NRXN1: variants seen among roughly 807,000 people sequenced by gnomAD.
NRXN1 encodes neurexin 1.
NRXN1 carries 39 observed loss-of-function variants against 150.9 expected under a neutral mutation model. The ratio of observed to expected loss-of-function variants is 0.26; its 90% CI spans 0.20 to 0.34. NRXN1 has a LOEUF of 0.34. NRXN1 is among the 10% of genes least tolerant of loss of function. NRXN1 has a pLI of 1.00. For missense variants in NRXN1, 1,815 were observed against 1,949.9 expected (o/e 0.93, Z 1.30); for synonymous variants, 924 against 757.0 (o/e 1.22, Z -3.62).
At chr2:50,771,535 GT>G (rs1703009375) in intron 5 of NRXN1, among the ~76,000 whole-genome samples, 1 of 152,054 alleles carries the variant, frequency 6.6e-6, no homozygotes, top group African/African-American at 2.4e-5. Context: ...AGAATAAATA[GT>G]AGAGGAGGAC....
rs565229704 is a variant in NRXN1, at chr2:50,310,063, T to G, written c.3365-73093A>C. On this transcript the variant is annotated intron_variant, in intron 17 of 22. Transcript: ENST00000401669. Reference sequence around the variant, plus strand: ...ATAGACAGCAAATTCTAAAACGACATGCCTCTGGCTTCATCCTGGAGTCTC... The same window carrying G: ...ATAGACAGCAAATTCTAAAACGACAGGCCTCTGGCTTCATCCTGGAGTCTC... Among the ~76,000 whole-genome samples the G allele has an allele frequency of 2.0e-4, 30 of 152,306 alleles. No homozygotes were observed. In the South Asian group the frequency reaches 5.8e-3, roughly 29 times the overall value.
intron 18 of NRXN1, among the ~76,000 whole-genome samples, chr2:50,127,488 T>C (rs1247667198): frequency 1.3e-5 from 2 of 152,066 alleles, no homozygotes; most frequent in African/African-American, 2.4e-5. Context: ...GCTGTTAGAG[T>C]TCCTTAGAGT....
intron 8 of NRXN1, among the ~76,000 whole-genome samples, chr2:50,591,320 G>A (rs1444989921): frequency 1.3e-5 from 2 of 151,922 alleles, no homozygotes. Flanking sequence ...TAAAGACTCT[G>A]AAGCTGACTG....
intron 5 of NRXN1, among the ~76,000 whole-genome samples, chr2:50,647,007 A>G (rs575634306): frequency 2.6e-5 from 4 of 150,952 alleles, no homozygotes; most frequent in South Asian, 2.1e-4. Flanking sequence ...CAAGCATTAT[A>G]TTGTTTGAGA....
intron 17 of NRXN1, among the ~76,000 whole-genome samples, chr2:50,244,448 G>T (rs188476673): frequency 6.6e-6 from 1 of 151,850 alleles, no homozygotes; most frequent in Non-Finnish European, 1.5e-5. Flanking sequence ...GATAGAGATT[G>T]TGCTGATTTG....
At chr2:49,937,788 A>G (rs1025292756) in intron 22 of NRXN1, among the ~76,000 whole-genome samples, 1 of 152,200 alleles carries the variant, frequency 6.6e-6, no homozygotes, top group African/African-American at 2.4e-5. Context: ...AATTAAAGTC[A>G]CTTTTGAATA....
chr2:50,829,895 CTG>C (rs1671146114), intron 5 of NRXN1, among the ~76,000 whole-genome samples: 1 of 148,234 alleles, frequency 6.7e-6, no homozygotes, highest in African/African-American at 2.5e-5. Flanking sequence ...TAAGTGTGCT[CTG>C]TGTGTCTTCT....
At chr2:50,493,966 C>T (rs143789910) in intron 15 of NRXN1, among the ~76,000 whole-genome samples, 218 of 152,292 alleles carry the variant, frequency 1.4e-3, no homozygotes, top group African/African-American at 5.1e-3. Flanking sequence ...GTTTTATCTT[C>T]AGAGTTATCC....
chr2:50,095,698 T>C (rs1453558781), intron 18 of NRXN1, among the ~76,000 whole-genome samples: 2 of 151,960 alleles, frequency 1.3e-5, no homozygotes, highest in Admixed American at 1.3e-4. Flanking sequence ...ATTTGGTTTT[T>C]TTGCAACACA....
intron 5 of NRXN1, among the ~76,000 whole-genome samples, chr2:50,810,905 G>A (rs569158337): frequency 7.9e-5 from 12 of 152,004 alleles, no homozygotes; most frequent in African/African-American, 2.9e-4. Context: ...AGTTGAACTC[G>A]AGAGGCGGTG....
chr2:50,793,798 C>A (rs975088340), intron 5 of NRXN1, among the ~76,000 whole-genome samples: 1 of 151,966 alleles, frequency 6.6e-6, no homozygotes, highest in Non-Finnish European at 1.5e-5. Flanking sequence ...CCTGGAACCC[C>A]CAGAGGACCC....
intron 5 of NRXN1, among the ~76,000 whole-genome samples, chr2:50,769,789 G>A (rs1019410598): frequency 6.6e-6 from 1 of 151,962 alleles, no homozygotes; most frequent in Non-Finnish European, 1.5e-5. Flanking sequence ...TCTGCTTTGG[G>A]GAAGAAATGG....
chr2:50,459,284 T>C (rs1307722029), intron 17 of NRXN1, among the ~76,000 whole-genome samples: 1 of 152,182 alleles, frequency 6.6e-6, no homozygotes, highest in African/African-American at 2.4e-5. Context: ...TCAAATATCT[T>C]CCTGATTAAT....
chr2:50,814,852 T>C (rs1250593781), intron 5 of NRXN1, among the ~76,000 whole-genome samples: 1 of 152,180 alleles, frequency 6.6e-6, no homozygotes, highest in Non-Finnish European at 1.5e-5. Context: ...GCACTGGGAA[T>C]AAGCTGGACA....
intron 18 of NRXN1, among the ~76,000 whole-genome samples, chr2:50,179,227 A>G (rs535772752): frequency 6.6e-6 from 1 of 152,258 alleles, no homozygotes; most frequent in African/African-American, 2.4e-5. Flanking sequence ...TTCCAGGGAG[A>G]CGGTAGTAGA....
intron 8 of NRXN1, among the ~76,000 whole-genome samples, chr2:50,594,904 CT>C (rs761175994): frequency 5.3e-5 from 8 of 151,882 alleles, no homozygotes; most frequent in Non-Finnish European, 7.4e-5. Flanking sequence ...TTAAATCCAA[CT>C]CATTTATTCA....
At chr2:51,030,935 T>C (rs901182906) in intron 1 of NRXN1, among the ~76,000 whole-genome samples, 8 of 152,120 alleles carry the variant, frequency 5.3e-5, no homozygotes, top group African/African-American at 1.9e-4. Context: ...TATTAATTAA[T>C]GTTACATTGA....
chr2:50,493,642 ACT>A (rs2091392340), intron 15 of NRXN1, among the ~76,000 whole-genome samples: 1 of 151,886 alleles, frequency 6.6e-6, no homozygotes, highest in African/African-American at 2.4e-5. Context: ...CTGTTCTCAA[ACT>A]CCCTCTAGCT....
At chr2:50,830,719 A>G (rs1049631509) in intron 5 of NRXN1, among the ~76,000 whole-genome samples, 1 of 149,548 alleles carries the variant, frequency 6.7e-6, no homozygotes, top group African/African-American at 2.5e-5. Flanking sequence ...ATCTCCTCCC[A>G]TACTAGATTC....
Sources: allele counts gnomAD v4.1 joint callset (sites outside exome capture counted in the v4.1 genomes callset), GRCh38; gene constraint gnomAD v4.1.1; transcripts MANE v1.5; gene names NCBI Gene and HGNC (gene_info 2026-07-23, HGNC 2026-07-21).